Variants in TPPP observed in about 807,000 individuals in gnomAD.
TPPP encodes tubulin polymerization promoting protein, also known as tubulin polymerization-promoting protein.
A neutral mutation model predicts 15.5 loss-of-function variants in TPPP; 6 were observed. That is an observed-to-expected ratio of 0.39 (90% CI 0.21 to 0.77). TPPP has a LOEUF of 0.77. TPPP is among the 30% of genes least tolerant of loss of function. TPPP has a pLI of 0.42. For missense variants in TPPP, 269 were observed against 307.2 expected, an observed-to-expected ratio of 0.88 and a Z score of 0.93; for synonymous variants, 146 against 133.9, an observed-to-expected ratio of 1.09 and a Z score of -0.63.
Position 671,138 on chromosome 5 carries a change from C to A in TPPP, c.312-5015G>T, listed in dbSNP as rs373330744. Among the ~76,000 whole-genome samples, 337 of 152,352 alleles carry A rather than the reference C, an allele frequency of 2.2e-3. 1 individual carries two copies. The highest frequency in any genetic ancestry group is 7.3e-3 in the African/African-American group (305 of 41,590). Reference sequence around the variant, plus strand: ...GAGGTCTGGCTACCGAAGGCTCCCCCCTGCCTGAGGGGCCGCCTGGGATCA... The same window carrying A: ...GAGGTCTGGCTACCGAAGGCTCCCCACTGCCTGAGGGGCCGCCTGGGATCA... On this transcript the variant is annotated intron_variant, in intron 2 of 3. Coordinates refer to ENST00000360578, the MANE Select transcript of TPPP (RefSeq NM_007030.3).
chr5:673,882 A>C (rs544548495), intron 2 of TPPP, among the ~76,000 whole-genome samples: 1 of 152,184 alleles, frequency 6.6e-6, no homozygotes, highest in Non-Finnish European at 1.5e-5. Context: ...TCATTCTCCA[A>C]ATGAGCCACA....
At chr5:671,716 C>T (rs993205795) in intron 2 of TPPP, among the ~76,000 whole-genome samples, 2 of 152,256 alleles carry the variant, frequency 1.3e-5, no homozygotes, top group African/African-American at 4.8e-5. Flanking sequence ...CCCGCAGGGG[C>T]TCCACTCTGC....
At chr5:673,319 G>A (rs2126888136) in intron 2 of TPPP, among the ~76,000 whole-genome samples, 1 of 152,264 alleles carries the variant, frequency 6.6e-6, no homozygotes, top group East Asian at 1.9e-4. Flanking sequence ...GGGAGGTCAG[G>A]ACCCCGTGCC....
intron 2 of TPPP, among the ~76,000 whole-genome samples, chr5:673,708 C>T (rs187397464): frequency 4.8e-4 from 73 of 152,294 alleles, no homozygotes; most frequent in Admixed American, 2.8e-3. Context: ...GGCTGGTCCC[C>T]GGCCCCACAC....
chr5:698,996 C>T, the TPPP span, among the ~76,000 whole-genome samples: 2 of 151,992 alleles, frequency 1.3e-5, no homozygotes, highest in African/African-American at 4.8e-5. Context: ...CTACAACACA[C>T]TGATGAAAGA....
At chr5:668,109 A>G (rs866915219) in intron 2 of TPPP, among the ~76,000 whole-genome samples, 3 of 60,806 alleles carry the variant, frequency 4.9e-5, no homozygotes, top group East Asian at 3.8e-4. Context: ...TCAGGGAAGT[A>G]CCGACAAGCA....
chr5:698,266 C>T, upstream of TPPP, among the ~76,000 whole-genome samples: 1 of 152,160 alleles, frequency 6.6e-6, no homozygotes, highest in South Asian at 2.1e-4. Context: ...GACATGGATG[C>T]CCACTTTCAC....
At chr5:699,919 G>T in the TPPP span, among the ~76,000 whole-genome samples, 1 of 151,686 alleles carries the variant, frequency 6.6e-6, no homozygotes, top group East Asian at 1.9e-4. Context: ...AAGTCAGAAT[G>T]GCTATTATTA....
chr5:700,241 C>G, the TPPP span, among the ~76,000 whole-genome samples: 1 of 151,996 alleles, frequency 6.6e-6, no homozygotes, highest in Admixed American at 6.6e-5. Flanking sequence ...CATATATACA[C>G]AAGGTAATAC....
chr5:671,276 C>T (rs1160243327), intron 2 of TPPP, among the ~76,000 whole-genome samples: 1 of 152,152 alleles, frequency 6.6e-6, no homozygotes, highest in Non-Finnish European at 1.5e-5. Context: ...TGTGTAGTCA[C>T]CGCCCTGTGG....
intron 2 of TPPP, among the ~76,000 whole-genome samples, chr5:669,757 G>T (rs1429411467): frequency 1.3e-5 from 2 of 152,068 alleles, no homozygotes; most frequent in African/African-American, 4.8e-5. Context: ...AGGGCGCCCG[G>T]GTCTCTGCCC....
chr5:695,773 C>A (rs1261177020), upstream of TPPP, among the ~76,000 whole-genome samples: 2 of 150,528 alleles, frequency 1.3e-5, no homozygotes, highest in African/African-American at 2.4e-5. Flanking sequence ...GGGATAATCT[C>A]AAGATCTTTA....
At chr5:683,726 G>A (rs1419143907) in intron 1 of TPPP, among the ~76,000 whole-genome samples, 1 of 152,290 alleles carries the variant, frequency 6.6e-6, no homozygotes, top group African/African-American at 2.4e-5. Flanking sequence ...GAAACAGGTT[G>A]GAGGGGTGGG....
chr5:677,052 C>T (rs967059535), intron 2 of TPPP, among the ~76,000 whole-genome samples: 9 of 150,722 alleles, frequency 6.0e-5, no homozygotes, highest in East Asian at 2.0e-4. Flanking sequence ...AACGCACACA[C>T]GTGCACACAG....
intron 2 of TPPP, among the ~76,000 whole-genome samples, chr5:669,224 C>T (rs528067205): frequency 1.3e-5 from 2 of 152,328 alleles, no homozygotes; most frequent in African/African-American, 4.8e-5. Context: ...ACATTCCAGA[C>T]CCGCCGGCCA....
chr5:693,568 G>A (rs1262300725), upstream of TPPP, among the ~76,000 whole-genome samples: 1 of 151,620 alleles, frequency 6.6e-6, no homozygotes, highest in African/African-American at 2.4e-5. Context: ...CTCAGGCCCC[G>A]CGGACCGCCG....
rs200010438 is a variant in TPPP, at chr5:677,873, T to A, written c.188A>T (p.Asp63Val). The change falls in exon 2 of 4, where the codon GAC becomes GTC. Residue 63 changes from aspartate (D) to valine (V), a missense_variant. Transcript: ENST00000360578. ...EAFRRFAVHGDARATGREMHG... is the reference protein window; with the variant it reads ...EAFRRFAVHGVARATGREMHG... ...CATCTCCCTCCCGGTGGCCCTGGCG[T>A]CCCCGTGCACGGCAAAGCGCCGGAA... is the stretch of plus-strand genomic sequence containing the variant. The A allele has an allele frequency of 2.7e-5, 43 of 1,612,308 alleles. No individual in the cohort carries two copies. The highest frequency in any genetic ancestry group is 1.9e-5 in the Non-Finnish European group (23 of 1,179,758).
intron 2 of TPPP, among the ~76,000 whole-genome samples, chr5:668,192 CCGT>C (rs1740016867): frequency 8.2e-6 from 1 of 122,688 alleles, no homozygotes; most frequent in African/African-American, 3.1e-5. Context: ...CGCGTGGGCG[CCGT>C]CAGGGAAGTA....
At chr5:694,183 G>C (rs1740975511), upstream of TPPP, among the ~76,000 whole-genome samples, 1 of 151,430 alleles carries the variant, frequency 6.6e-6, no homozygotes, top group African/African-American at 2.4e-5. Flanking sequence ...TTTGCGGAGG[G>C]GGCTCATTCC....
Sources: gnomAD v4.1 joint callset for allele counts (sites outside exome capture counted in the v4.1 genomes callset) on GRCh38, gnomAD v4.1.1 for gene constraint, MANE v1.5 for transcripts, NCBI Gene and HGNC (gene_info 2026-07-23, HGNC 2026-07-21) for gene names.